Variants in SDC2 observed in about 807,000 individuals in gnomAD.
The protein encoded by SDC2 is syndecan 2.
Under a neutral mutation model 22.2 loss-of-function variants are expected in SDC2, and 13 were observed. The ratio of observed to expected loss-of-function variants is 0.59; its 90% confidence interval spans 0.38 to 0.93. The LOEUF is 0.93. Among genes scored for constraint, SDC2 ranks in the 40% least tolerant of loss-of-function variants. The probability of loss-of-function intolerance (pLI) is 0.00; values close to 1 mark genes in which losing one functional copy is unlikely to be tolerated. For missense variants in SDC2, 235 were observed against 246.8 expected, an observed-to-expected ratio of 0.95 and a Z score of 0.32; for synonymous variants, 94 against 92.8, an observed-to-expected ratio of 1.01 and a Z score of -0.07.
At chr8:96,518,121 T>C (rs991778033) in intron 1 of SDC2, among the ~76,000 whole-genome samples, 1 of 152,198 alleles carries the variant, frequency 6.6e-6, no homozygotes, top group African/African-American at 2.4e-5. Context: ...TTGGCTAAGA[T>C]ACTTAATGAG....
At chr8:96,593,411 A>T in intron 1 of SDC2, 69 bp from the exon 2 acceptor site, 1 of 1,042,332 alleles carries the variant, frequency 9.6e-7, no homozygotes, top group Non-Finnish European at 1.5e-6. Flanking sequence ...TATGTACCTG[A>T]ACAATCAGAT....
chr8:96,553,023 G>A (rs968385537), intron 1 of SDC2, among the ~76,000 whole-genome samples: 36 of 152,106 alleles, frequency 2.4e-4, no homozygotes, highest in African/African-American at 7.2e-4. Context: ...TTTAGATGTG[G>A]GGTTGTATGT....
intron 1 of SDC2, among the ~76,000 whole-genome samples, chr8:96,572,890 A>C (rs1814420006): frequency 6.6e-6 from 1 of 152,094 alleles, no homozygotes; most frequent in African/African-American, 2.4e-5. Context: ...GTCTTCATTT[A>C]TTTTTCAGTC....
chr8:96,533,498 T>C (rs1813700519), intron 1 of SDC2, among the ~76,000 whole-genome samples: 1 of 151,932 alleles, frequency 6.6e-6, no homozygotes. Flanking sequence ...AGACACAGGG[T>C]GCTGATTGGT....
intron 1 of SDC2, among the ~76,000 whole-genome samples, chr8:96,533,056 G>T (rs930073715): frequency 2.6e-5 from 4 of 152,160 alleles, no homozygotes; most frequent in African/African-American, 9.6e-5. Context: ...CTGATGTTTA[G>T]ATGTGTTTGG....
intron 1 of SDC2, among the ~76,000 whole-genome samples, chr8:96,512,076 G>T (rs1476967257): frequency 2.6e-5 from 4 of 152,134 alleles, no homozygotes; most frequent in African/African-American, 4.8e-5. Context: ...ACAGAGTCAA[G>T]GGGGAGAACA....
At chr8:96,508,803 A>C (rs1412000987) in intron 1 of SDC2, among the ~76,000 whole-genome samples, 1 of 141,934 alleles carries the variant, frequency 7.0e-6, no homozygotes, top group African/African-American at 2.5e-5. Flanking sequence ...TGATACTGTA[A>C]TCTTTCAAGA....
chr8:96,579,843 GAA>G (rs565705813), intron 1 of SDC2, among the ~76,000 whole-genome samples: 105 of 152,206 alleles, frequency 6.9e-4, no homozygotes, highest in African/African-American at 2.3e-3. Context: ...TGTAATTTTT[GAA>G]TATAACATTT....
chr8:96,542,340 A>G (rs1813864051), intron 1 of SDC2, among the ~76,000 whole-genome samples: 1 of 152,188 alleles, frequency 6.6e-6, no homozygotes, highest in Admixed American at 6.5e-5. Context: ...CTATAAATTC[A>G]GAGAAGATGT....
chr8:96,495,757 G>T (rs1321605696), intron 1 of SDC2, among the ~76,000 whole-genome samples: 1 of 152,108 alleles, frequency 6.6e-6, no homozygotes, highest in African/African-American at 2.4e-5. Context: ...TAATCAGTGT[G>T]GGAGCCTCTG....
chr8:96,494,392 C>A, intron 1 of SDC2, 61 bp downstream of exon 1: 2 of 1,499,160 alleles, frequency 1.3e-6, no homozygotes, highest in East Asian at 2.5e-5. Flanking sequence ...ACGAGAGGAG[C>A]CCGCAGGGAA....
chr8:96,509,576 T>C lies in SDC2; in HGVS notation c.60+15245T>C, dbSNP rs1328292100. Among the ~76,000 whole-genome samples the C allele has an allele frequency of 1.6e-5, 2 of 122,240 alleles. 1 individual carries two copies. The highest frequency in any genetic ancestry group is 3.9e-5 in the Non-Finnish European group (2 of 51,268). The allele number at this position is 122,240 out of a possible 152,430, so 80.2% of individuals were successfully genotyped here. On this transcript the variant is annotated intron_variant, in intron 1 of 4. Transcript: ENST00000302190. Reference sequence around the variant, plus strand: ...AGCCCTTGCTGCCGATTACATAAACTTGGGGAGCTTTTAAAAACTATTCAT... The same window carrying C: ...AGCCCTTGCTGCCGATTACATAAACCTGGGGAGCTTTTAAAAACTATTCAT...
chr8:96,495,741 C>T (rs1424151178), intron 1 of SDC2, among the ~76,000 whole-genome samples: 1 of 152,116 alleles, frequency 6.6e-6, no homozygotes, highest in African/African-American at 2.4e-5. Flanking sequence ...GGCAGATGGA[C>T]ATTTTTAATC....
At chr8:96,507,573 G>A (rs1450968441) in intron 1 of SDC2, among the ~76,000 whole-genome samples, 1 of 152,164 alleles carries the variant, frequency 6.6e-6, no homozygotes, top group Admixed American at 6.5e-5. Flanking sequence ...GAGTTGATTT[G>A]TAAGTCTTAG....
At chr8:96,562,865 T>G (rs1407117568) in intron 1 of SDC2, among the ~76,000 whole-genome samples, 1 of 152,050 alleles carries the variant, frequency 6.6e-6, no homozygotes, top group African/African-American at 2.4e-5. Flanking sequence ...GGAGCCAAGG[T>G]GAATTTAGTG....
intron 1 of SDC2, among the ~76,000 whole-genome samples, chr8:96,513,960 A>G (rs532974435): frequency 6.6e-6 from 1 of 152,328 alleles, no homozygotes; most frequent in East Asian, 1.9e-4. Flanking sequence ...TTCTAACCTT[A>G]GAAGATTCTG....
chr8:96,551,598 C>T (rs1398905722), intron 1 of SDC2, among the ~76,000 whole-genome samples: 1 of 152,188 alleles, frequency 6.6e-6, no homozygotes, highest in Non-Finnish European at 1.5e-5. Flanking sequence ...CCAAGGCCCA[C>T]CTCCTCACCT....
intron 1 of SDC2, among the ~76,000 whole-genome samples, chr8:96,561,190 G>A (rs1814204440): frequency 6.6e-6 from 1 of 152,178 alleles, no homozygotes; most frequent in South Asian, 2.1e-4. Flanking sequence ...CACATTGGGA[G>A]GAAGACACAG....
intron 1 of SDC2, among the ~76,000 whole-genome samples, chr8:96,549,377 A>G (rs1813988447): frequency 6.6e-6 from 1 of 152,084 alleles, no homozygotes; most frequent in Non-Finnish European, 1.5e-5. Flanking sequence ...TGAAGTATAG[A>G]ATAGGTGGAG....
Sources: allele counts gnomAD v4.1 joint callset (sites outside exome capture counted in the v4.1 genomes callset), GRCh38; gene constraint gnomAD v4.1.1; transcripts MANE v1.5; gene names NCBI Gene and HGNC (gene_info 2026-07-23, HGNC 2026-07-21).